Variants in CSGALNACT1 observed in about 807,000 individuals in gnomAD.
CSGALNACT1 encodes chondroitin sulfate N-acetylgalactosaminyltransferase 1.
Under a neutral mutation model 51.0 loss-of-function variants are expected in CSGALNACT1, and 52 were observed. The ratio of observed to expected loss-of-function variants is 1.02; its 90% CI spans 0.82 to 1.29. The LOEUF (loss-of-function observed/expected upper bound fraction) is 1.29. CSGALNACT1 is among the 50% of genes most tolerant of loss of function. The pLI is 0.00. For synonymous variants in CSGALNACT1, 341 were observed against 254.4 expected (o/e 1.34, Z -3.24); for missense variants, 935 against 679.2 (o/e 1.38, Z -4.19).
chr8:19,445,770 T>C (rs1417043181), intron 5 of CSGALNACT1, among the ~76,000 whole-genome samples: 1 of 152,214 alleles, frequency 6.6e-6, no homozygotes, highest in Non-Finnish European at 1.5e-5. Flanking sequence ...ATGATCTTTG[T>C]TTTCCTCTAA....
intron 3 of CSGALNACT1, among the ~76,000 whole-genome samples, chr8:19,569,973 G>A (rs2042661371): frequency 6.6e-6 from 1 of 152,148 alleles, no homozygotes; most frequent in African/African-American, 2.4e-5. Flanking sequence ...GATGCTATTT[G>A]TATGAAGTTC....
chr8:19,527,702 G>A (rs1290751340), intron 3 of CSGALNACT1, among the ~76,000 whole-genome samples: 1 of 152,200 alleles, frequency 6.6e-6, no homozygotes, highest in Admixed American at 6.5e-5. Context: ...ACGCAGGCAG[G>A]TCAGCATAGC....
intron 4 of CSGALNACT1, among the ~76,000 whole-genome samples, chr8:19,496,150 A>G (rs2075403494): frequency 6.6e-6 from 1 of 152,226 alleles, no homozygotes; most frequent in African/African-American, 2.4e-5. Context: ...ATAATATGGC[A>G]TTTGGGAGAA....
At chr8:19,592,716 T>A (rs2048092301) in intron 2 of CSGALNACT1, among the ~76,000 whole-genome samples, 2 of 152,140 alleles carry the variant, frequency 1.3e-5, no homozygotes, top group Non-Finnish European at 2.9e-5. Context: ...ATCGCACCAC[T>A]GTGCCACTGC....
intron 1 of CSGALNACT1, among the ~76,000 whole-genome samples, chr8:19,610,657 C>T (rs376152383): frequency 3.3e-4 from 51 of 152,350 alleles, no homozygotes; most frequent in African/African-American, 1.2e-3. Flanking sequence ...AAGCCCAGGC[C>T]ACCGAGTGGC....
chr8:19,592,987 C>A (rs2048155439), intron 2 of CSGALNACT1, among the ~76,000 whole-genome samples: 1 of 152,148 alleles, frequency 6.6e-6, no homozygotes, highest in Non-Finnish European at 1.5e-5. Context: ...TTTTGACTTA[C>A]AATAGGCTTA....
intron 1 of CSGALNACT1, among the ~76,000 whole-genome samples, chr8:19,626,886 A>C (rs1330324117): frequency 6.6e-6 from 1 of 152,200 alleles, no homozygotes; most frequent in East Asian, 1.9e-4. Flanking sequence ...TGGCAAGAAT[A>C]AAAAATAGTG....
At chr8:19,411,457 C>T (rs988576936) in intron 8 of CSGALNACT1, among the ~76,000 whole-genome samples, 5 of 152,296 alleles carry the variant, frequency 3.3e-5, no homozygotes, top group Non-Finnish European at 5.9e-5. Flanking sequence ...ATGAATGAAC[C>T]AAGAGCCGTC....
chr8:19,621,795 A>G (rs574912812), intron 1 of CSGALNACT1, among the ~76,000 whole-genome samples: 1 of 152,320 alleles, frequency 6.6e-6, no homozygotes, highest in African/African-American at 2.4e-5. Flanking sequence ...AAATAAAAAT[A>G]AAAGAGTAAA....
At chr8:19,676,799 G>C (rs2060226028) in intron 1 of CSGALNACT1, among the ~76,000 whole-genome samples, 1 of 152,158 alleles carries the variant, frequency 6.6e-6, no homozygotes, top group South Asian at 2.1e-4. Flanking sequence ...GGATTGGAAG[G>C]ATCTTTCAGG....
chr8:19,695,438 C>A (rs777614870), intron 1 of CSGALNACT1, among the ~76,000 whole-genome samples: 5 of 152,174 alleles, frequency 3.3e-5, no homozygotes, highest in Non-Finnish European at 7.3e-5. Flanking sequence ...ACTTCACAAT[C>A]TCTCTCCTGG....
In CSGALNACT1 at chr8:19,488,351, TTATATATATTTATATATACATATATATA is replaced by T. The variant is rs2073506357; in HGVS notation, c.634+16822_634+16849del. Among the ~76,000 whole-genome samples, 3 of 124,540 alleles carry T rather than the reference TTATATATATTTATATATACATATATATA, an allele frequency of 2.4e-5. No individual in the cohort carries two copies. In the South Asian group the frequency reaches 8.2e-4, roughly 34 times the overall value. The allele number at this position is 124,540 out of a possible 152,430, so 81.7% of individuals were successfully genotyped here. A position where few individuals can be genotyped will look rare whatever the true frequency, so the allele number is the denominator to read the frequency against. ...AGCAACAGAGCGAGACTCCATCTCATTATATATATTTATATATACATATATATATATATATATATATATATATATATAT... is the reference window on the plus strand; with the variant it reads ...AGCAACAGAGCGAGACTCCATCTCATTATATATATATATATATATATATAT... On this transcript the variant is annotated intron_variant, in intron 4 of 9. Transcript: ENST00000454498.
intron 5 of CSGALNACT1, among the ~76,000 whole-genome samples, chr8:19,445,308 C>T (rs1427985362): frequency 6.6e-6 from 1 of 152,194 alleles, no homozygotes; most frequent in Non-Finnish European, 1.5e-5. Context: ...TTTGTGCATG[C>T]AGTGGGAAAA....
intron 1 of CSGALNACT1, among the ~76,000 whole-genome samples, chr8:19,742,401 C>T (rs140130908): frequency 1.3e-5 from 2 of 152,334 alleles, no homozygotes; most frequent in East Asian, 1.9e-4. Context: ...CCTTTTCAAC[C>T]GTGGGGCCTC....
chr8:19,591,667 G>A (rs1160494830), intron 2 of CSGALNACT1, among the ~76,000 whole-genome samples: 1 of 152,052 alleles, frequency 6.6e-6, no homozygotes, highest in Non-Finnish European at 1.5e-5. Flanking sequence ...GCTCAAACCT[G>A]TAGTCCAGCA....
At chr8:19,541,969 C>G (rs114803304) in intron 3 of CSGALNACT1, among the ~76,000 whole-genome samples, 1 of 151,924 alleles carries the variant, frequency 6.6e-6, no homozygotes, top group Non-Finnish European at 1.5e-5. Context: ...CAGTTATCAC[C>G]AAATACTGGA....
At chr8:19,488,093 T>C (rs2073423936) in intron 4 of CSGALNACT1, among the ~76,000 whole-genome samples, 1 of 152,050 alleles carries the variant, frequency 6.6e-6, no homozygotes, top group South Asian at 2.1e-4. Context: ...CTCATGCCTG[T>C]AATCCCAGCA....
At chr8:19,619,512 G>C (rs1046091046) in intron 1 of CSGALNACT1, among the ~76,000 whole-genome samples, 1 of 152,038 alleles carries the variant, frequency 6.6e-6, no homozygotes, top group Admixed American at 6.6e-5. Flanking sequence ...GTGAAGACTG[G>C]AGGTGTGGAA....
intron 3 of CSGALNACT1, among the ~76,000 whole-genome samples, chr8:19,556,148 T>A (rs537639450): frequency 6.6e-5 from 10 of 152,018 alleles, no homozygotes; most frequent in African/African-American, 2.4e-4. Context: ...GAGGCTGAGG[T>A]GGGCGGATTA....
Sources: allele counts gnomAD v4.1 joint callset (sites outside exome capture counted in the v4.1 genomes callset), GRCh38; gene constraint gnomAD v4.1.1; transcripts MANE v1.5; gene names NCBI Gene and HGNC (gene_info 2026-07-23, HGNC 2026-07-21).